The following IARS1 variants were observed in gnomAD, a reference collection of about 807,000 sequenced individuals.
IARS1 encodes isoleucine--tRNA ligase, cytoplasmic.
In IARS1, 124 loss-of-function variants were observed where a neutral mutation model predicts 168.2. The ratio of observed to expected loss-of-function variants is 0.74; its 90% CI spans 0.64 to 0.86. The LOEUF (loss-of-function observed/expected upper bound fraction) is 0.86, where lower values mean the gene tolerates loss of function less well. IARS1 is among the 40% of genes least tolerant of loss of function. The pLI is 0.00. For missense variants in IARS1, 1,452 were observed against 1,515.8 expected, an observed-to-expected ratio of 0.96 and a Z score of 0.70; for synonymous variants, 532 against 529.4, an observed-to-expected ratio of 1.00 and a Z score of -0.07.
chr9:92,274,564 G>T, intron 9 of IARS1, 43 bp from the exon 10 acceptor site: 2 of 1,336,816 alleles, frequency 1.5e-6, no homozygotes, highest in Non-Finnish European at 2.1e-6. Flanking sequence ...AAACATTACT[G>T]TGTTACAACG....
At chr9:92,257,430 T>C (rs1429465772) in intron 19 of IARS1, among the ~76,000 whole-genome samples, 1 of 152,220 alleles carries the variant, frequency 6.6e-6, no homozygotes, top group Non-Finnish European at 1.5e-5. Flanking sequence ...GGGCCCTGGC[T>C]GTGGGGAGCT....
At chr9:92,270,018 G>A (rs1268904700) in intron 12 of IARS1, 35 bp from the exon 13 acceptor site, 1 of 1,343,536 alleles carries the variant, frequency 7.4e-7, no homozygotes, top group South Asian at 1.2e-5. Context: ...AGCTGCTCAG[G>A]CTGAGACTAG....
At chr9:92,249,755 TAATAAA>T (rs1262396828) in intron 25 of IARS1, 97 bp downstream of exon 25, 10 of 597,822 alleles carry the variant, frequency 1.7e-5, no homozygotes, top group African/African-American at 1.5e-4. Context: ...ATGACTATAC[TAATAAA>T]AATAAATTAT....
chr9:92,233,749 T>C (rs1273132242), intron 30 of IARS1, among the ~76,000 whole-genome samples: 1 of 152,202 alleles, frequency 6.6e-6, no homozygotes, highest in African/African-American at 2.4e-5. Context: ...CCCAACATGT[T>C]TTATTAGGTT....
At chr9:92,287,659 T>C in intron 4 of IARS1, 132 bp downstream of exon 4, 1 of 950,540 alleles carries the variant, frequency 1.1e-6, no homozygotes, top group Non-Finnish European at 1.5e-6. Flanking sequence ...AGTAATAGGG[T>C]TGAAGGTGGA....
chr9:92,241,058 G>T, intron 29 of IARS1, 97 bp from the exon 30 acceptor site: 1 of 708,958 alleles, frequency 1.4e-6, no homozygotes. Context: ...AACAACAAGA[G>T]CTGTACACAA....
At chr9:92,243,725 A>G (rs551198172) in intron 27 of IARS1, among the ~76,000 whole-genome samples, 1 of 152,324 alleles carries the variant, frequency 6.6e-6, no homozygotes, top group East Asian at 1.9e-4. Context: ...GCCTCAGCGC[A>G]GTCAACTCCA....
At chr9:92,235,795 G>C (rs1266790545) in intron 30 of IARS1, among the ~76,000 whole-genome samples, 1 of 152,000 alleles carries the variant, frequency 6.6e-6, no homozygotes, top group Non-Finnish European at 1.5e-5. Flanking sequence ...AAAGTGCTGG[G>C]ATTACAGGCG....
At chr9:92,212,078 G>C (rs994199278) in intron 33 of IARS1, among the ~76,000 whole-genome samples, 2 of 152,150 alleles carry the variant, frequency 1.3e-5, no homozygotes, top group Non-Finnish European at 2.9e-5. Flanking sequence ...TTTAAAAATA[G>C]CTCTTGTCCT....
intron 30 of IARS1, among the ~76,000 whole-genome samples, chr9:92,234,289 A>G (rs1011382838): frequency 3.3e-5 from 5 of 152,228 alleles, no homozygotes; most frequent in African/African-American, 7.2e-5. Context: ...AAAAAGGCCA[A>G]ACATTTAAAA....
chr9:92,260,461 G>C (rs1384721924), intron 17 of IARS1, among the ~76,000 whole-genome samples: 1 of 152,050 alleles, frequency 6.6e-6, no homozygotes, highest in East Asian at 1.9e-4. Flanking sequence ...TTCAAGACCA[G>C]CCTGGCCAAA....
chr9:92,245,077 G>C lies in IARS1; in HGVS notation c.2792-6C>G. ...GCCTTCCACAACAATGGTCCCTATG[G>C]AGAAGCAGCTACACTGTTAATCAGC... is the stretch of plus-strand genomic sequence containing the variant. On this transcript the variant is annotated splice_region_variant and splice_polypyrimidine_tract_variant and intron_variant, in intron 26 of 33. Transcript: ENST00000443024. 6.2e-7 allele frequency: 1 copy of C among 1,611,550 alleles called. No homozygotes were observed. The highest frequency in any genetic ancestry group is 8.5e-7 in the Non-Finnish European group (1 of 1,177,696).
chr9:92,245,038 T>G lies in IARS1; in HGVS notation c.2825A>C (p.Asp942Ala). The stretch of plus-strand genomic sequence containing the variant: ...GGTGTACATGAGGCGGATGTCTTCA[T>G]CGTGCAATTCATGGCCTTCCACAAC... ...TIVVEGHELH[D>A]EDIRLMYTFD... Residue 942 changes from aspartate to alanine, a missense_variant, in exon 27 of 34, where the codon GAT (aspartate) becomes GCT (alanine). Coordinates refer to ENST00000443024, the MANE Select transcript of IARS1 (RefSeq NM_002161.6). The G allele has an allele frequency of 6.2e-7, 1 of 1,614,230 alleles. No homozygotes were observed. The highest frequency in any genetic ancestry group is 8.5e-7 in the Non-Finnish European group (1 of 1,180,030).
At chr9:92,242,005 T>C (rs1191167360) in intron 29 of IARS1, 149 bp downstream of exon 29, 1 of 619,776 alleles carries the variant, frequency 1.6e-6, no homozygotes, top group Non-Finnish European at 2.8e-6. Flanking sequence ...TTCCACTCTC[T>C]GACTCTACCC....
intron 1 of IARS1, 125 bp downstream of exon 1, chr9:92,293,486 G>C (rs750238641): frequency 1.9e-6 from 1 of 530,612 alleles, no homozygotes. Context: ...GGAAACGAAC[G>C]AACGGCAAGC....
At chr9:92,273,418 C>T (rs556095667) in intron 10 of IARS1, among the ~76,000 whole-genome samples, 4 of 152,040 alleles carry the variant, frequency 2.6e-5, no homozygotes, top group East Asian at 1.9e-4. Flanking sequence ...TACTTAGACA[C>T]GAAAGACATG....
rs765025476 is a variant in IARS1, at chr9:92,240,856, C to T, written c.3283G>A (p.Gly1095Ser). The change falls in exon 30 of 34, where the codon GGT becomes AGT. Residue 1095 changes from glycine to serine, a missense_variant and splice_region_variant. Physicochemically the swap from Gly to Ser is moderately conservative, Grantham distance 56 (BLOSUM62 0). Coordinates refer to ENST00000443024, the MANE Select transcript of IARS1 (RefSeq NM_002161.6). ...CACAAATCATGGAATTTACTCTTAC[C>T]TTGTTCACTGCCATTTGCACAAATG... ...LNICANGSEQGGVLLLENPKG... is the reference protein window; with the variant it reads ...LNICANGSEQSGVLLLENPKG... 3.8e-6 allele frequency: 6 copies of T among 1,590,662 alleles called. No homozygotes were observed. The highest frequency in any genetic ancestry group is 5.2e-6 in the Non-Finnish European group (6 of 1,158,850).
intron 19 of IARS1, among the ~76,000 whole-genome samples, chr9:92,257,933 TG>T (rs1830960828): frequency 6.6e-6 from 1 of 152,178 alleles, no homozygotes; most frequent in African/African-American, 2.4e-5. Context: ...TGGTCAGTTG[TG>T]GGGCATGGAA....
chr9:92,223,245 C>A (rs780132311), intron 32 of IARS1, 101 bp downstream of exon 32: 23 of 1,128,666 alleles, frequency 2.0e-5, no homozygotes, highest in Non-Finnish European at 2.3e-5. Flanking sequence ...CACTTTAAAG[C>A]AATACTTTGA....
Sources: allele counts gnomAD v4.1 joint callset (sites outside exome capture counted in the v4.1 genomes callset), GRCh38; gene constraint gnomAD v4.1.1; transcripts MANE v1.5; gene names NCBI Gene and HGNC (gene_info 2026-07-23, HGNC 2026-07-21).